The following CSMD3 variants were observed in gnomAD, a reference collection of about 807,000 sequenced individuals.
CSMD3 encodes CUB and sushi domain-containing protein 3.
CSMD3 carries 177 observed loss-of-function variants against 435.2 expected under a neutral mutation model. The ratio of observed to expected loss-of-function variants is 0.41; its 90% CI spans 0.36 to 0.46. The LOEUF is 0.46. CSMD3 is among the 20% of genes least tolerant of loss of function. CSMD3 has a pLI of 0.34. For synonymous variants in CSMD3, 1,656 were observed against 1,520.5 expected (o/e 1.09, Z -2.07); for missense variants, 4,265 against 4,504.6 (o/e 0.95, Z 1.52).
chr8:112,495,191 C>G (rs1821215776), intron 30 of CSMD3, among the ~76,000 whole-genome samples: 1 of 152,232 alleles, frequency 6.6e-6, no homozygotes, highest in South Asian at 2.1e-4. Context: ...CAGGAAAACG[C>G]AATGTAATTT....
chr8:112,860,106 TA>T (rs1221405550), intron 10 of CSMD3, among the ~76,000 whole-genome samples: 2 of 151,838 alleles, frequency 1.3e-5, no homozygotes, highest in Non-Finnish European at 3.0e-5. Context: ...ATGGACCTCC[TA>T]AAAGTTTGCT....
intron 59 of CSMD3, among the ~76,000 whole-genome samples, chr8:112,277,469 A>G (rs1818181209): frequency 6.6e-6 from 1 of 152,188 alleles, no homozygotes; most frequent in East Asian, 1.9e-4. Context: ...GCTCAAAGCC[A>G]TTCAACAAGT....
At chr8:113,044,359 A>G (rs1223175293) in intron 5 of CSMD3, among the ~76,000 whole-genome samples, 1 of 131,352 alleles carries the variant, frequency 7.6e-6, no homozygotes, top group Non-Finnish European at 1.8e-5. Flanking sequence ...TTCAGTGTCT[A>G]GAACAGTCCA....
intron 26 of CSMD3, 147 bp downstream of exon 26, chr8:112,552,447 T>C: frequency 1.4e-6 from 1 of 732,022 alleles, no homozygotes; most frequent in Non-Finnish European, 2.2e-6. Context: ...GATCGAGCCC[T>C]GCCTTCCGGT....
chr8:112,919,408 A>G (rs1352681073), intron 10 of CSMD3, among the ~76,000 whole-genome samples: 1 of 151,898 alleles, frequency 6.6e-6, no homozygotes, highest in Non-Finnish European at 1.5e-5. Context: ...ATTTACTATC[A>G]TAAGTATGAT....
intron 13 of CSMD3, among the ~76,000 whole-genome samples, chr8:112,766,391 C>A (rs12677225): frequency 0.33 from 50,219 of 151,132 alleles, 9,182 homozygotes; most frequent in African/African-American, 0.5. Flanking sequence ...AGAAATTAAT[C>A]TCTCTCTCAT....
intron 30 of CSMD3, among the ~76,000 whole-genome samples, chr8:112,500,127 G>A (rs1038510970): frequency 2.6e-5 from 4 of 151,762 alleles, no homozygotes; most frequent in Non-Finnish European, 4.4e-5. Flanking sequence ...AACAAAAGCA[G>A]TATTTATCTC....
chr8:112,584,619 C>G (rs7840599), intron 23 of CSMD3, among the ~76,000 whole-genome samples: 1 of 151,486 alleles, frequency 6.6e-6, no homozygotes, highest in African/African-American at 2.4e-5. Context: ...ATACAGTAAA[C>G]GAAACCAGAA....
intron 38 of CSMD3, among the ~76,000 whole-genome samples, chr8:112,374,840 A>G (rs1013172191): frequency 6.6e-6 from 1 of 152,112 alleles, no homozygotes; most frequent in Non-Finnish European, 1.5e-5. Flanking sequence ...ATCCTGCTCT[A>G]TGTTTTGTTT....
intron 32 of CSMD3, among the ~76,000 whole-genome samples, chr8:112,430,896 ATGTG>A (rs61496543): frequency 2.2e-4 from 33 of 148,690 alleles, no homozygotes; most frequent in East Asian, 1.0e-3. Context: ...TTGTGTGTAT[ATGTG>A]TGTGTGTGTG....
chr8:113,206,787 C>T (rs1352659999), intron 3 of CSMD3, among the ~76,000 whole-genome samples: 1 of 152,060 alleles, frequency 6.6e-6, no homozygotes, highest in African/African-American at 2.4e-5. Flanking sequence ...AAAATGTATT[C>T]AATTATTTCT....
intron 6 of CSMD3, among the ~76,000 whole-genome samples, chr8:112,981,999 G>A (rs1448217457): frequency 1.3e-5 from 2 of 151,718 alleles, no homozygotes; most frequent in Non-Finnish European, 3.0e-5. Context: ...GAGTGTGCTA[G>A]AGAAAAGCTA....
intron 14 of CSMD3, 143 bp from the exon 15 acceptor site, chr8:112,685,875 G>A (rs769422384): frequency 3.1e-6 from 2 of 647,208 alleles, no homozygotes; most frequent in South Asian, 4.3e-5. Flanking sequence ...AGAACAAAAC[G>A]GTTACCATTT....
At chr8:112,698,670 C>T (rs1314588491) in intron 13 of CSMD3, among the ~76,000 whole-genome samples, 1 of 152,098 alleles carries the variant, frequency 6.6e-6, no homozygotes, top group Non-Finnish European at 1.5e-5. Flanking sequence ...ATTTAACCAT[C>T]AAACAAAGAT....
In CSMD3 at chr8:112,420,513, A is replaced by G. The variant is rs563025531; in HGVS notation, c.5396-11481T>C. On this transcript the variant is annotated intron_variant, in intron 32 of 70. Transcript: ENST00000297405. ...TTTATAGTTAGTTTAATCAAATCTG[A>G]ATTCAAAGTCCATACATTTCATTCG... 2.2e-3 allele frequency among the ~76,000 whole-genome samples: 328 copies of G among 152,322 alleles called. 5 individuals are homozygous for G. Among genetic ancestry groups the G allele is most frequent in the Non-Finnish European group, 2.8e-3 (189 of 68,030 alleles).
At chr8:113,231,944 C>A (rs951922978) in intron 3 of CSMD3, among the ~76,000 whole-genome samples, 2 of 151,110 alleles carry the variant, frequency 1.3e-5, no homozygotes, top group Non-Finnish European at 3.0e-5. Context: ...AATTTTTTCC[C>A]CAAAAAATGA....
intron 1 of CSMD3, among the ~76,000 whole-genome samples, chr8:113,416,144 G>A (rs1378524445): frequency 6.6e-6 from 1 of 151,966 alleles, no homozygotes; most frequent in Non-Finnish European, 1.5e-5. Flanking sequence ...TAAATCATCA[G>A]AATATTTCAA....
At chr8:112,441,994 T>C (rs1815075682) in intron 32 of CSMD3, among the ~76,000 whole-genome samples, 1 of 152,208 alleles carries the variant, frequency 6.6e-6, no homozygotes, top group Non-Finnish European at 1.5e-5. Context: ...TGCATTGCTA[T>C]AAAGGAATAC....
chr8:113,196,252 GA>G (rs1373360434), intron 3 of CSMD3, among the ~76,000 whole-genome samples: 4 of 151,042 alleles, frequency 2.6e-5, no homozygotes, highest in Admixed American at 2.0e-4. Flanking sequence ...CTGGAAAACT[GA>G]AAAAATATAT....
Sources: gnomAD v4.1 joint callset for allele counts (sites outside exome capture counted in the v4.1 genomes callset) on GRCh38, gnomAD v4.1.1 for gene constraint, MANE v1.5 for transcripts, NCBI Gene and HGNC (gene_info 2026-07-23, HGNC 2026-07-21) for gene names.